The following PIP4K2A variants were observed in gnomAD, a reference collection of about 807,000 sequenced individuals.
PIP4K2A encodes the protein phosphatidylinositol-5-phosphate 4-kinase type 2 alpha.
A neutral mutation model predicts 42.9 loss-of-function variants in PIP4K2A; 14 were observed. That is an observed-to-expected ratio of 0.33 (90% CI 0.22 to 0.51). The LOEUF (loss-of-function observed/expected upper bound fraction) is 0.51. PIP4K2A is among the 20% of genes least tolerant of loss of function. The pLI is 0.97. For synonymous variants in PIP4K2A, 192 were observed against 192.2 expected (o/e 1.00, Z 0.01); for missense variants, 434 against 519.8 (o/e 0.83, Z 1.61).
chr10:22,574,088 G>C (rs539240272), intron 4 of PIP4K2A, among the ~76,000 whole-genome samples: 1 of 48,444 alleles, frequency 2.1e-5, no homozygotes, highest in Admixed American at 2.5e-4. Context: ...CACCATTTCC[G>C]AGGAGAGTTG....
chr10:22,688,260 T>C (rs932965100), intron 1 of PIP4K2A, among the ~76,000 whole-genome samples: 1 of 152,130 alleles, frequency 6.6e-6, no homozygotes, highest in Non-Finnish European at 1.5e-5. Flanking sequence ...TAACACTGAG[T>C]AACTTACGTA....
chr10:22,617,147 C>T (rs1838194869), intron 1 of PIP4K2A, among the ~76,000 whole-genome samples: 1 of 152,244 alleles, frequency 6.6e-6, no homozygotes, highest in Non-Finnish European at 1.5e-5. Context: ...TCCAACACTG[C>T]AAAACACACA....
intron 9 of PIP4K2A, among the ~76,000 whole-genome samples, chr10:22,538,482 A>T (rs9783154): frequency 9.3e-4 from 141 of 152,206 alleles, no homozygotes; most frequent in Admixed American, 2.1e-3. Flanking sequence ...AAACCCCATC[A>T]GCAAGGCAGT....
intron 3 of PIP4K2A, among the ~76,000 whole-genome samples, chr10:22,597,337 CTG>C: frequency 6.6e-6 from 1 of 152,298 alleles, no homozygotes. Context: ...TTAGCATTTC[CTG>C]TGAGTCCTGT....
intron 1 of PIP4K2A, among the ~76,000 whole-genome samples, chr10:22,697,260 G>A (rs889122274): frequency 6.6e-6 from 1 of 152,190 alleles, no homozygotes; most frequent in African/African-American, 2.4e-5. Flanking sequence ...GCAAAGCTCT[G>A]AGCTTCCACA....
intron 4 of PIP4K2A, among the ~76,000 whole-genome samples, chr10:22,575,712 G>T (rs1240556058): frequency 6.6e-6 from 1 of 152,116 alleles, no homozygotes; most frequent in Admixed American, 6.5e-5. Context: ...GGCCAAGGCA[G>T]GTGGATCACG....
intron 4 of PIP4K2A, among the ~76,000 whole-genome samples, chr10:22,587,497 A>T (rs1010877053): frequency 6.6e-6 from 1 of 152,158 alleles, no homozygotes; most frequent in Non-Finnish European, 1.5e-5. Context: ...CCCTAAAAGT[A>T]CTCTAGGCCC....
At chr10:22,668,559 A>G (rs968212297) in intron 1 of PIP4K2A, among the ~76,000 whole-genome samples, 2 of 152,202 alleles carry the variant, frequency 1.3e-5, no homozygotes, top group Non-Finnish European at 1.5e-5. Context: ...GCTGTATTTC[A>G]AAAGTAAAGC....
intron 5 of PIP4K2A, among the ~76,000 whole-genome samples, chr10:22,569,281 T>C (rs1836924526): frequency 6.6e-6 from 1 of 152,212 alleles, no homozygotes; most frequent in South Asian, 2.1e-4. Context: ...ACGCTGCTGC[T>C]GGCCCAGGGA....
intron 1 of PIP4K2A, among the ~76,000 whole-genome samples, chr10:22,673,291 A>G (rs1391749396): frequency 6.6e-6 from 1 of 152,206 alleles, no homozygotes. Flanking sequence ...TGATCCTCCA[A>G]CTAAACTGAT....
At chr10:22,558,169 C>T (rs1337161685) in intron 6 of PIP4K2A, among the ~76,000 whole-genome samples, 1 of 152,142 alleles carries the variant, frequency 6.6e-6, no homozygotes, top group Non-Finnish European at 1.5e-5. Flanking sequence ...ATAAAAAATA[C>T]GTAGTAATTA....
intron 1 of PIP4K2A, among the ~76,000 whole-genome samples, chr10:22,657,025 T>C (rs1184579495): frequency 6.6e-6 from 1 of 152,160 alleles, no homozygotes; most frequent in African/African-American, 2.4e-5. Flanking sequence ...CTCTTCCAGT[T>C]CCCAACGGGG....
chr10:22,545,323 G>C (rs1436588335), intron 7 of PIP4K2A, among the ~76,000 whole-genome samples: 1 of 152,232 alleles, frequency 6.6e-6, no homozygotes, highest in African/African-American at 2.4e-5. Flanking sequence ...TAACAGGAAG[G>C]TCTACTGGTT....
chr10:22,541,258 A>T (rs900131338), intron 8 of PIP4K2A, among the ~76,000 whole-genome samples: 2 of 152,124 alleles, frequency 1.3e-5, no homozygotes, highest in African/African-American at 4.8e-5. Context: ...CACCCCACCC[A>T]CAGGGCCCAT....
chr10:22,690,153 T>C (rs1050006966), intron 1 of PIP4K2A, among the ~76,000 whole-genome samples: 1 of 150,706 alleles, frequency 6.6e-6, no homozygotes, highest in Non-Finnish European at 1.5e-5. Context: ...GTTTAATGTA[T>C]ATTAACTCAT....
chr10:22,705,100 G>A (rs1055128983), intron 1 of PIP4K2A, among the ~76,000 whole-genome samples: 8 of 151,984 alleles, frequency 5.3e-5, no homozygotes, highest in Non-Finnish European at 1.5e-5. Context: ...GACGGGGTGG[G>A]GGAAGTGGGG....
In PIP4K2A at chr10:22,580,425, G is replaced by A. The variant is rs190843887; in HGVS notation, c.493-6968C>T. Among the ~76,000 whole-genome samples the A allele has an allele frequency of 2.5e-4, 38 of 152,022 alleles. No homozygotes were observed. In the East Asian group the frequency reaches 5.2e-3, roughly 21 times the overall value. Reference sequence around the variant, plus strand: ...GGTAATTCGGGAGGCCAAGGCGGGCGGATTACTTGAGCCCAGGAGTTTGAG... The same window carrying A: ...GGTAATTCGGGAGGCCAAGGCGGGCAGATTACTTGAGCCCAGGAGTTTGAG... On this transcript the variant is annotated intron_variant, in intron 4 of 9. Coordinates refer to ENST00000376573, the MANE Select transcript of PIP4K2A (RefSeq NM_005028.5).
chr10:22,642,920 C>T (rs1006303441), intron 1 of PIP4K2A, among the ~76,000 whole-genome samples: 1 of 152,168 alleles, frequency 6.6e-6, no homozygotes, highest in African/African-American at 2.4e-5. Context: ...TCTCTGATTA[C>T]ATCTTAAGTC....
rs185258529 is a variant in PIP4K2A at position 22,592,851 on chromosome 10, T to C, written c.340-1070A>G. ...CCTTGCCTGGCCCTGCGGGATGGCC[T>C]GTGTGGGATTCAAAGGCAAACATGC... On this transcript the variant is annotated intron_variant, in intron 3 of 9. Coordinates refer to ENST00000376573, the MANE Select transcript of PIP4K2A (RefSeq NM_005028.5). Among the ~76,000 whole-genome samples, 12 of 152,324 alleles carry C rather than the reference T, an allele frequency of 7.9e-5. 1 individual carries two copies. The highest frequency in any genetic ancestry group is 2.1e-4 in the South Asian group (1 of 4,830).
Sources: allele counts gnomAD v4.1 joint callset (sites outside exome capture counted in the v4.1 genomes callset), GRCh38; gene constraint gnomAD v4.1.1; transcripts MANE v1.5; gene names NCBI Gene and HGNC (gene_info 2026-07-23, HGNC 2026-07-21).